The following ARRDC5 variants were observed in gnomAD, a reference collection of about 807,000 sequenced individuals.
ARRDC5 encodes arrestin domain containing 5.
A neutral mutation model predicts 13.3 loss-of-function variants in ARRDC5; 12 were observed. The ratio of observed to expected loss-of-function variants is 0.90; its 90% CI spans 0.58 to 1.46. The LOEUF (loss-of-function observed/expected upper bound fraction) is 1.46, where lower values mean the gene tolerates loss of function less well. Among genes scored for constraint, ARRDC5 ranks in the 40% most tolerant of loss-of-function variants. The pLI is 0.00. For synonymous variants in ARRDC5, 181 were observed against 173.4 expected (o/e 1.04, Z -0.34); for missense variants, 406 against 418.7 (o/e 0.97, Z 0.26).
chr19:4,896,923 T>G (rs768726484), intron 1 of ARRDC5, 47 bp from the exon 2 acceptor site: 4 of 1,388,558 alleles, frequency 2.9e-6, no homozygotes, highest in Non-Finnish European at 4.0e-6. Context: ...TAGAATCTTT[T>G]TTCCTTCTTC....
chr19:4,890,912 A>T lies in ARRDC5; in HGVS notation c.*134T>A, dbSNP rs773611913. On this transcript the variant is annotated 3_prime_UTR_variant, in exon 3 of 3. Coordinates refer to ENST00000650722, the MANE Select transcript of ARRDC5 (RefSeq NM_001080523.3). Reference sequence around the variant, plus strand: ...AGGGAGGGGAGACACAGATACCTAAACCGCTAGAGCTTGGGGAGGTTGCAG... The same window carrying T: ...AGGGAGGGGAGACACAGATACCTAATCCGCTAGAGCTTGGGGAGGTTGCAG... The T allele has an allele frequency of 2.2e-4, 154 of 685,670 alleles. 1 individual carries two copies. The highest frequency in any genetic ancestry group is 7.6e-4 in the South Asian group (39 of 51,528). The allele number at this position is 685,670 out of a possible 1,614,324, so 42.5% of individuals were successfully genotyped here.
chr19:4,911,153 C>A, the ARRDC5 span: 1 of 1,000,658 alleles, frequency 1.0e-6, no homozygotes, highest in Non-Finnish European at 1.4e-6. Context: ...CGTCCGGTCC[C>A]ACTTCATCTC....
intron 1 of ARRDC5, among the ~76,000 whole-genome samples, chr19:4,900,619 G>A (rs1599220675): frequency 6.6e-6 from 1 of 152,196 alleles, no homozygotes; most frequent in African/African-American, 2.4e-5. Context: ...TTTGTCCCCA[G>A]GATATTTGCA....
At chr19:4,896,348 A>ATATATT (rs1407717173) in intron 2 of ARRDC5, among the ~76,000 whole-genome samples, 8 of 59,588 alleles carry the variant, frequency 1.3e-4, no homozygotes, top group African/African-American at 5.1e-4. Flanking sequence ...ATATATATAT[A>ATATATT]TTTTTTTTTT....
At chr19:4,891,632 C>A (rs530870079) in intron 2 of ARRDC5, 59 bp from the exon 3 acceptor site, 303 of 1,471,422 alleles carry the variant, frequency 2.1e-4, no homozygotes, top group Middle Eastern at 2.1e-4. Context: ...AATCCACTTG[C>A]CTGCCTGATC....
intron 2 of ARRDC5, among the ~76,000 whole-genome samples, chr19:4,896,362 A>T (rs1204696821): frequency 4.8e-4 from 33 of 68,848 alleles, no homozygotes; most frequent in East Asian, 3.1e-3. Context: ...TTTTTTTTTT[A>T]CACACACACA....
intron 1 of ARRDC5, among the ~76,000 whole-genome samples, chr19:4,898,408 C>T (rs1385809840): frequency 6.6e-6 from 1 of 152,096 alleles, no homozygotes; most frequent in East Asian, 1.9e-4. Context: ...GTCACCCAGG[C>T]TGGAGTGCAG....
chr19:4,905,427 G>A (rs1213673239), upstream of ARRDC5, among the ~76,000 whole-genome samples: 1 of 150,972 alleles, frequency 6.6e-6, no homozygotes, highest in Non-Finnish European at 1.5e-5. Context: ...CCACAAATTT[G>A]TAGTTTCTTA....
the ARRDC5 span, chr19:4,909,806 G>C: frequency 2.3e-6 from 1 of 437,528 alleles, no homozygotes; most frequent in Non-Finnish European, 4.0e-6. Flanking sequence ...CCTAACCCTC[G>C]GGAATCGTTC....
chr19:4,912,577 C>T, the ARRDC5 span, among the ~76,000 whole-genome samples: 1 of 152,154 alleles, frequency 6.6e-6, no homozygotes, highest in Non-Finnish European at 1.5e-5. Context: ...ATTTCACCAT[C>T]GGTATTCTGA....
At chr19:4,891,689 G>A in intron 2 of ARRDC5, 116 bp from the exon 3 acceptor site, 1 of 898,462 alleles carries the variant, frequency 1.1e-6, no homozygotes, top group Middle Eastern at 3.5e-4. Flanking sequence ...GGGCACGATA[G>A]CTCACGCCTA....
In ARRDC5 at chr19:4,890,711, A is replaced by C; in HGVS notation, c.*335T>G. On this transcript the variant is annotated 3_prime_UTR_variant, in exon 3 of 3. Transcript: ENST00000650722. ...CCCCTGCAGTTGTGACAGCCAATAC[A>C]ACCAGACATTAGCAGAGGGGAGAAT... The C allele has an allele frequency of 3.5e-6, 1 of 289,798 alleles. No individual in the cohort carries two copies. Among genetic ancestry groups the C allele is most frequent in the Non-Finnish European group, 6.6e-6 (1 of 152,552 alleles). 18.0% of individuals were successfully genotyped at this position (289,798 alleles called of 1,614,324 possible). A position where few individuals can be genotyped will look rare whatever the true frequency, so the allele number is the denominator to read the frequency against.
At chr19:4,892,735 T>C (rs1487914374) in intron 2 of ARRDC5, among the ~76,000 whole-genome samples, 1 of 152,134 alleles carries the variant, frequency 6.6e-6, no homozygotes, top group Admixed American at 6.6e-5. Flanking sequence ...TGTTGCCTGT[T>C]CTGTTCTTTT....
upstream of ARRDC5, among the ~76,000 whole-genome samples, chr19:4,905,533 T>C (rs1599227401): frequency 6.6e-6 from 1 of 151,910 alleles, no homozygotes; most frequent in East Asian, 1.9e-4. Flanking sequence ...TTATTTATTT[T>C]TGAGATGGAG....
chr19:4,914,572 A>AG, the ARRDC5 span, among the ~76,000 whole-genome samples: 7 of 151,944 alleles, frequency 4.6e-5, no homozygotes, highest in East Asian at 1.4e-3. Flanking sequence ...GCGGGAACGC[A>AG]GGGAGCTGAT....
the ARRDC5 span, among the ~76,000 whole-genome samples, chr19:4,916,402 T>TC: frequency 6.6e-6 from 1 of 151,298 alleles, no homozygotes; most frequent in African/African-American, 2.4e-5. Context: ...GGCGGAGCCG[T>TC]CCCTGGTGAC....
chr19:4,908,081 T>G, the ARRDC5 span, among the ~76,000 whole-genome samples: 28,244 of 152,116 alleles, frequency 0.19, 3,270 homozygotes, highest in African/African-American at 0.31. Flanking sequence ...TTGTATCCCT[T>G]TTTCACTTAT....
chr19:4,900,061 G>A (rs908929683), intron 1 of ARRDC5, among the ~76,000 whole-genome samples: 4 of 150,650 alleles, frequency 2.7e-5, no homozygotes, highest in African/African-American at 9.7e-5. Context: ...TGCAACCTCC[G>A]TCTCCCTTGG....
the ARRDC5 span, among the ~76,000 whole-genome samples, chr19:4,914,570 G>A: frequency 3.4e-4 from 51 of 152,148 alleles, no homozygotes; most frequent in African/African-American, 1.2e-3. Flanking sequence ...GGGCGGGAAC[G>A]CAGGGAGCTG....
Sources: gnomAD v4.1 joint callset for allele counts (sites outside exome capture counted in the v4.1 genomes callset) on GRCh38, gnomAD v4.1.1 for gene constraint, MANE v1.5 for transcripts, NCBI Gene and HGNC (gene_info 2026-07-23, HGNC 2026-07-21) for gene names.